The following MAST1 variants were observed in gnomAD, a reference collection of about 807,000 sequenced individuals.
MAST1 encodes the protein microtubule associated serine/threonine kinase 1.
A neutral mutation model predicts 124.6 loss-of-function variants in MAST1; 40 were observed. The ratio of observed to expected loss-of-function variants is 0.32; its 90% CI spans 0.25 to 0.42. The LOEUF (loss-of-function observed/expected upper bound fraction) is 0.42. Ranked by LOEUF, MAST1 falls within the 10% of genes least tolerant of loss-of-function variation. MAST1 has a pLI of 1.00. For missense variants in MAST1, 1,558 were observed against 2,181.9 expected, an observed-to-expected ratio of 0.71 and a Z score of 5.70; for synonymous variants, 938 against 939.4, an observed-to-expected ratio of 1.00 and a Z score of 0.03.
chr19:12,858,149 G>T (rs1169591096), intron 10 of MAST1, among the ~76,000 whole-genome samples: 1 of 147,832 alleles, frequency 6.8e-6, no homozygotes, highest in Non-Finnish European at 1.5e-5. Flanking sequence ...TGACTATTTT[G>T]TTGGTTTCCT....
intron 10 of MAST1, among the ~76,000 whole-genome samples, chr19:12,853,865 G>C (rs1969990847): frequency 8.9e-6 from 1 of 111,970 alleles, no homozygotes; most frequent in African/African-American, 3.4e-5. Flanking sequence ...GCGAGACTCT[G>C]TCTCAAAATA....
intron 4 of MAST1, among the ~76,000 whole-genome samples, chr19:12,844,398 A>G (rs1969866849): frequency 1.3e-5 from 2 of 152,230 alleles, no homozygotes; most frequent in Non-Finnish European, 2.9e-5. Flanking sequence ...CGGGTTCTGC[A>G]AGCTGGGCCA....
chr19:12,867,162 T>C (rs906294827), intron 18 of MAST1, among the ~76,000 whole-genome samples: 1 of 152,140 alleles, frequency 6.6e-6, no homozygotes, highest in African/African-American at 2.4e-5. Context: ...AGAAGCAACT[T>C]GTAGAGGCGT....
chr19:12,849,139 G>T (rs1035478695), intron 7 of MAST1, among the ~76,000 whole-genome samples: 1 of 152,076 alleles, frequency 6.6e-6, no homozygotes, highest in Non-Finnish European at 1.5e-5. Flanking sequence ...GGGTGGGGGG[G>T]TGGAGTTGTC....
chr19:12,839,745 G>A lies in MAST1; in HGVS notation c.84-701G>A, dbSNP rs1369873086. On this transcript the variant is annotated intron_variant, in intron 1 of 25. Transcript: ENST00000251472. ...ACACAAAGACATAGATACATGTAGG[G>A]GGGATCATGCATCCTGGCCAGGCAT... Among the ~76,000 whole-genome samples, 6 of 152,164 alleles carry A rather than the reference G, an allele frequency of 3.9e-5. No homozygotes were observed. The East Asian group carries it at 1.2e-3, about 29-fold the overall frequency.
intron 4 of MAST1, among the ~76,000 whole-genome samples, chr19:12,844,056 C>T (rs192730936): frequency 4.4e-4 from 67 of 152,270 alleles, no homozygotes; most frequent in Non-Finnish European, 8.1e-4. Flanking sequence ...CAAAGGTGTT[C>T]ACTTGTCCAT....
At chr19:12,873,276 G>C (rs956064286) in intron 24 of MAST1, 48 bp from the exon 25 acceptor site, 2 of 1,576,286 alleles carry the variant, frequency 1.3e-6, no homozygotes, top group African/African-American at 1.3e-5. Context: ...GGAGCCCTGA[G>C]CTCTGGCGTC....
rs1179190492 is a variant in MAST1, at chr19:12,866,886, A to C, written c.2139+124A>C. 7 of 791,320 alleles carry C rather than the reference A, an allele frequency of 8.8e-6. No homozygotes were observed. The highest frequency in any genetic ancestry group is 5.1e-5 in the African/African-American group (3 of 58,272). 49.0% of individuals were successfully genotyped at this position (791,320 alleles called of 1,614,324 possible). On this transcript the variant is annotated intron_variant, in intron 18 of 25. Coordinates refer to ENST00000251472, the MANE Select transcript of MAST1 (RefSeq NM_014975.3). This position sits in a 1 kb window ranked among gnomAD's most constrained non-coding sequence, Gnocchi z 5.2. The stretch of plus-strand genomic sequence containing the variant: ...AGCGGGAAGTTATTGATGGGGCGGG[A>C]GTCTGGAAGGTGGTAAGGCCACGCA...
At chr19:12,850,095 G>A (rs1435754145) in intron 7 of MAST1, among the ~76,000 whole-genome samples, 1 of 152,144 alleles carries the variant, frequency 6.6e-6, no homozygotes, top group Non-Finnish European at 1.5e-5. Flanking sequence ...ACCATGCCTG[G>A]CCCCCACCAA....
Position 12,843,968 on chromosome 19 carries a change from T to C in MAST1, c.327+361T>C, listed in dbSNP as rs147189681. Among the ~76,000 whole-genome samples, 714 of 152,248 alleles carry C rather than the reference T, an allele frequency of 4.7e-3. 1 individual carries two copies. Among genetic ancestry groups the C allele is most frequent in the African/African-American group, 0.016 (673 of 41,522 alleles). On this transcript the variant is annotated intron_variant, in intron 4 of 25. Transcript: ENST00000251472. The surrounding 1 kb of genome is among the most constrained non-coding windows in gnomAD (Gnocchi z 4.9). The stretch of plus-strand genomic sequence containing the variant: ...GTTGAGCTGAGATCGCACTGCAGCA[T>C]TCCAGTCTGGATGACAGAGTGAGAC...
At chr19:12,856,477 T>C (rs1970019096) in intron 10 of MAST1, among the ~76,000 whole-genome samples, 1 of 152,060 alleles carries the variant, frequency 6.6e-6, no homozygotes, top group South Asian at 2.1e-4. Context: ...TAAGTTTTTG[T>C]ATTTTTAATA....
chr19:12,870,993 T>TGAGCAGCCCCTAGCAGAGCATTTTCCC, intron 23 of MAST1, 43 bp from the exon 24 acceptor site: 1 of 1,613,732 alleles, frequency 6.2e-7, no homozygotes, highest in East Asian at 2.2e-5. Context: ...GGGGGAGGCC[T>TGAGCAGCCCCTAGCAGAGCATTTTCCC]GAGCAGCCCC....
chr19:12,855,689 T>A (rs1007050074), intron 10 of MAST1, among the ~76,000 whole-genome samples: 2 of 152,204 alleles, frequency 1.3e-5, no homozygotes, highest in Non-Finnish European at 2.9e-5. Flanking sequence ...AAAAGGAATC[T>A]CACAATATAT....
At chr19:12,852,094 C>T in intron 8 of MAST1, 21 bp from the exon 9 acceptor site, 2 of 1,613,242 alleles carry the variant, frequency 1.2e-6, no homozygotes, top group Non-Finnish European at 1.7e-6. Context: ...CTGTGGTGAG[C>T]CCACTCCTGC....
intron 7 of MAST1, among the ~76,000 whole-genome samples, chr19:12,851,661 T>A (rs1374995669): frequency 6.6e-6 from 1 of 151,904 alleles, no homozygotes; most frequent in Non-Finnish European, 1.5e-5. Context: ...TCATTTTGCG[T>A]TTTTAGTGGA....
chr19:12,839,083 G>A (rs1969795471), intron 1 of MAST1, among the ~76,000 whole-genome samples: 1 of 152,068 alleles, frequency 6.6e-6, no homozygotes, highest in African/African-American at 2.4e-5. Flanking sequence ...GACGGACGGA[G>A]GGGCTTGGGG....
At chr19:12,870,631 C>T (rs1194059970) in intron 22 of MAST1, among the ~76,000 whole-genome samples, 193 bp from the exon 23 acceptor site, 1 of 148,606 alleles carries the variant, frequency 6.7e-6, no homozygotes, top group African/African-American at 2.5e-5. Context: ...CGCCACAGCA[C>T]TCCAGCCTGG....
chr19:12,849,096 A>T (rs1000859936), intron 7 of MAST1: 1 of 152,490 alleles, frequency 6.6e-6, no homozygotes, highest in African/African-American at 2.4e-5. Context: ...TTTCATGTCT[A>T]TCCTTCTCCA....
At position 12,847,103 on chromosome 19, in the gene MAST1, G is replaced by A. The variant is rs1969902831; in HGVS notation, c.328-187G>A. On this transcript the variant is annotated intron_variant, in intron 4 of 25. Transcript: ENST00000251472. The surrounding 1 kb of genome is among the most constrained non-coding windows in gnomAD (Gnocchi z 5.5). ...TAACAGACTCACTGTCTCCACCCCT[G>A]TCTGTCCCTGTCCACCTGTCTGTGG... The A allele has an allele frequency of 3.4e-6, 2 of 591,774 alleles. No homozygotes were observed. Among genetic ancestry groups the A allele is most frequent in the Non-Finnish European group, 6.0e-6 (2 of 331,296 alleles). The allele number at this position is 591,774 out of a possible 1,614,324, so 36.7% of individuals were successfully genotyped here.
Sources: allele counts gnomAD v4.1 joint callset (sites outside exome capture counted in the v4.1 genomes callset), GRCh38; gene constraint gnomAD v4.1.1; non-coding constraint Gnocchi (gnomAD v3.1); transcripts MANE v1.5; gene names NCBI Gene and HGNC (gene_info 2026-07-23, HGNC 2026-07-21).